Variants in DAPP1 observed in about 807,000 individuals in gnomAD.
DAPP1 encodes dual adapter for phosphotyrosine and 3-phosphotyrosine and 3-phosphoinositide.
DAPP1 carries 20 observed loss-of-function variants against 41.5 expected under a neutral mutation model. That is an observed-to-expected ratio of 0.48 (90% confidence interval 0.34 to 0.70). The LOEUF is 0.70. Among genes scored for constraint, DAPP1 ranks in the 30% least tolerant of loss-of-function variants. The pLI is 0.01. For missense variants in DAPP1, 233 were observed against 333.4 expected, an observed-to-expected ratio of 0.70 and a Z score of 2.35; for synonymous variants, 113 against 116.2, an observed-to-expected ratio of 0.97 and a Z score of 0.18.
chr4:99,857,379 G>A (rs920109474), intron 4 of DAPP1, among the ~76,000 whole-genome samples: 4 of 152,090 alleles, frequency 2.6e-5, no homozygotes, highest in African/African-American at 9.7e-5. Flanking sequence ...TAGTTGTCTT[G>A]GTAGAGATTG....
chr4:99,816,997 G>T lies in DAPP1; in HGVS notation c.84G>T (p.Glu28Asp). The change falls in exon 1 of 9, where the codon GAG (glutamate) becomes GAT (aspartate). Residue 28 changes from glutamate to aspartate, a missense_variant. Coordinates refer to ENST00000512369, the MANE Select transcript of DAPP1 (RefSeq NM_014395.3). ...GGAGCAGATCCGATGGAGAGGCTGA[G>T]CTGCTCCAGGACTTGGGGTAAGGCA... ...DLWSRSDGEA[E>D]LLQDLGWYHG... 6.2e-7 allele frequency: 1 copy of T among 1,602,124 alleles called. No individual in the cohort carries two copies. The highest frequency in any genetic ancestry group is 2.3e-5 in the East Asian group (1 of 44,296).
intron 4 of DAPP1, 51 bp downstream of exon 4, chr4:99,853,399 C>T (rs1723937670): frequency 6.4e-7 from 1 of 1,560,212 alleles, no homozygotes; most frequent in Non-Finnish European, 8.7e-7. Context: ...TAAAATCAAT[C>T]AAGTTCAATA....
chr4:99,862,753 T>A (rs369809106), intron 5 of DAPP1, among the ~76,000 whole-genome samples: 3 of 122,350 alleles, frequency 2.5e-5, no homozygotes, highest in Non-Finnish European at 5.3e-5. Flanking sequence ...AATTAATTTT[T>A]ATAGATATTT....
chr4:99,832,528 G>T (rs947125032), intron 1 of DAPP1, among the ~76,000 whole-genome samples: 1 of 152,186 alleles, frequency 6.6e-6, no homozygotes, highest in African/African-American at 2.4e-5. Context: ...TCTATACTGG[G>T]CTTGCCCAGG....
Position 99,840,297 on chromosome 4 carries a change from A to C in DAPP1, c.233A>C (p.Asp78Ala). 11 of 1,552,502 alleles carry C rather than the reference A, an allele frequency of 7.1e-6. No homozygotes were observed. Among genetic ancestry groups the C allele is most frequent in the Non-Finnish European group, 9.6e-6 (11 of 1,144,730 alleles). ...GLYSLSVRAK[D>A]SVKHFHVEYT... ...TTCTTTTTCCCTTTTAGGGCCAAAG[A>C]TTCTGTTAAACACTTTCATGTTGAA... The change falls in exon 3 of 9, where the codon GAT (aspartate) becomes GCT (alanine). Residue 78 changes from aspartate to alanine, a missense_variant. By Grantham distance (126) the Asp-to-Ala change is moderately radical. Transcript: ENST00000512369.
chr4:99,820,360 G>A (rs1722731634), intron 1 of DAPP1, among the ~76,000 whole-genome samples: 1 of 152,170 alleles, frequency 6.6e-6, no homozygotes, highest in East Asian at 1.9e-4. Context: ...CTTTAACAAA[G>A]GTTACTATAC....
intron 4 of DAPP1, among the ~76,000 whole-genome samples, chr4:99,857,885 C>T (rs905860903): frequency 1.3e-5 from 2 of 152,100 alleles, no homozygotes; most frequent in African/African-American, 2.4e-5. Context: ...TCAATTTATT[C>T]AGTTAATCCA....
chr4:99,834,976 C>CA (rs1723245757), intron 1 of DAPP1, among the ~76,000 whole-genome samples: 1 of 151,314 alleles, frequency 6.6e-6, no homozygotes, highest in Non-Finnish European at 1.5e-5. Flanking sequence ...AAGAGGACAC[C>CA]AGTCATATTG....
At chr4:99,817,670 A>T (rs191672021) in intron 1 of DAPP1, among the ~76,000 whole-genome samples, 155 of 152,322 alleles carry the variant, frequency 1.0e-3, no homozygotes, top group Non-Finnish European at 1.5e-3. Flanking sequence ...CTCTGTCTTT[A>T]AGAAGGGACC....
chr4:99,860,640 T>C (rs986584451), intron 4 of DAPP1, among the ~76,000 whole-genome samples: 1 of 152,220 alleles, frequency 6.6e-6, no homozygotes, highest in Non-Finnish European at 1.5e-5. Context: ...GTTCCTCTTT[T>C]TATTTGGTTG....
At chr4:99,852,678 T>G (rs553195584) in intron 3 of DAPP1, among the ~76,000 whole-genome samples, 1 of 152,314 alleles carries the variant, frequency 6.6e-6, no homozygotes, top group South Asian at 2.1e-4. Flanking sequence ...GAATGCTCAC[T>G]TTTTTGAAAT....
chr4:99,846,618 G>C (rs1027925552), intron 3 of DAPP1, among the ~76,000 whole-genome samples: 1 of 152,154 alleles, frequency 6.6e-6, no homozygotes, highest in African/African-American at 2.4e-5. Context: ...AAATAATAAA[G>C]AATTAGTTTA....
chr4:99,836,561 C>A (rs1362349128), intron 2 of DAPP1, among the ~76,000 whole-genome samples: 2 of 152,198 alleles, frequency 1.3e-5, no homozygotes, highest in African/African-American at 4.8e-5. Flanking sequence ...TGTTACTGTT[C>A]TGATGGCACC....
chr4:99,840,510 T>C, intron 3 of DAPP1, 88 bp downstream of exon 3: 2 of 1,392,708 alleles, frequency 1.4e-6, no homozygotes, highest in East Asian at 4.7e-5. Flanking sequence ...AATGTCATTG[T>C]TGTCATTTAT....
chr4:99,866,434 C>A, intron 8 of DAPP1: 1 of 697,538 alleles, frequency 1.4e-6, no homozygotes, highest in South Asian at 1.5e-5. Context: ...CATTTAGAAC[C>A]AGAAGGTCTG....
At chr4:99,829,917 T>C (rs780508509) in intron 1 of DAPP1, among the ~76,000 whole-genome samples, 4 of 152,232 alleles carry the variant, frequency 2.6e-5, no homozygotes, top group Non-Finnish European at 4.4e-5. Flanking sequence ...TTTGTGATAT[T>C]TTTGTTTTTA....
chr4:99,826,386 T>A (rs1722937854), intron 1 of DAPP1, among the ~76,000 whole-genome samples: 1 of 152,242 alleles, frequency 6.6e-6, no homozygotes, highest in Non-Finnish European at 1.5e-5. Context: ...TTTGGCTGTT[T>A]TAACACAATC....
intron 5 of DAPP1, 116 bp downstream of exon 5, chr4:99,861,741 C>T: frequency 8.2e-7 from 1 of 1,218,434 alleles, no homozygotes. Flanking sequence ...TCATTTTAAC[C>T]CATTTGTAAT....
intron 3 of DAPP1, among the ~76,000 whole-genome samples, chr4:99,841,106 T>C (rs1322695903): frequency 1.3e-5 from 2 of 152,236 alleles, no homozygotes; most frequent in Non-Finnish European, 2.9e-5. Flanking sequence ...CACAACACTT[T>C]TGTCCTAAAT....
Sources: allele counts gnomAD v4.1 joint callset (sites outside exome capture counted in the v4.1 genomes callset), GRCh38; gene constraint gnomAD v4.1.1; transcripts MANE v1.5; gene names NCBI Gene and HGNC (gene_info 2026-07-23, HGNC 2026-07-21).